Variants in AK5 observed in about 807,000 individuals in gnomAD.
AK5 encodes adenylate kinase 5.
In AK5, 27 loss-of-function variants were observed where a neutral mutation model predicts 69.5. The ratio of observed to expected loss-of-function variants is 0.39; its 90% CI spans 0.29 to 0.54. The LOEUF (loss-of-function observed/expected upper bound fraction) is 0.54, where lower values mean the gene tolerates loss of function less well. Among genes scored for constraint, AK5 ranks in the 20% least tolerant of loss-of-function variants. AK5 has a pLI of 0.71. For synonymous variants in AK5, 260 were observed against 244.4 expected (o/e 1.06, Z -0.60); for missense variants, 531 against 700.4 (o/e 0.76, Z 2.73).
chr1:77,455,862 G>A (rs1653451363), intron 8 of AK5, among the ~76,000 whole-genome samples: 1 of 152,176 alleles, frequency 6.6e-6, no homozygotes, highest in South Asian at 2.1e-4. Context: ...TGTCTGGCAT[G>A]AGACCCACTG....
chr1:77,543,525 C>T (rs1043901270), intron 13 of AK5, among the ~76,000 whole-genome samples: 2 of 78,476 alleles, frequency 2.5e-5, no homozygotes, highest in Non-Finnish European at 6.9e-5. Flanking sequence ...AAACATTGCT[C>T]TATTTTTTTT....
At chr1:77,485,479 C>T (rs1047126654) in intron 9 of AK5, among the ~76,000 whole-genome samples, 1 of 152,126 alleles carries the variant, frequency 6.6e-6, no homozygotes, top group Non-Finnish European at 1.5e-5. Flanking sequence ...AAGTAGTTAT[C>T]TACAGAAAAT....
chr1:77,405,437 A>G (rs1243100845), intron 6 of AK5, among the ~76,000 whole-genome samples: 1 of 152,174 alleles, frequency 6.6e-6, no homozygotes. Context: ...TCTGTCTGCT[A>G]CTGCCCTGAC....
intron 3 of AK5, 87 bp downstream of exon 3, chr1:77,294,047 A>G: frequency 8.3e-7 from 1 of 1,203,116 alleles, no homozygotes; most frequent in East Asian, 2.6e-5. Context: ...ATATATGTGC[A>G]AATAGTTGGA....
rs1044550718 is a variant in AK5 at position 77,559,267 on chromosome 1, A to AGAT, written c.*599_*601dup. On this transcript the variant is annotated 3_prime_UTR_variant, in exon 14 of 14. Coordinates refer to ENST00000354567, the MANE Select transcript of AK5 (RefSeq NM_174858.3). ...ATTTGACAGAAATTTTAAAATATGAAGATGTATAGCTTTCCCAAGATGATG... is the reference window on the plus strand; with the variant it reads ...ATTTGACAGAAATTTTAAAATATGAAGATGATGTATAGCTTTCCCAAGATGATG... 2.0e-5 allele frequency: 3 copies of AGAT among 152,180 alleles called. No homozygotes were observed. The highest frequency in any genetic ancestry group is 4.8e-5 in the African/African-American group (2 of 41,432). 9.4% of individuals were successfully genotyped at this position (152,180 alleles called of 1,614,324 possible).
intron 6 of AK5, among the ~76,000 whole-genome samples, chr1:77,345,337 C>T (rs149917425): frequency 4.0e-3 from 614 of 152,248 alleles, no homozygotes; most frequent in Non-Finnish European, 6.1e-3. Flanking sequence ...CCAGGAAAGG[C>T]AGAGGCTGAA....
intron 1 of AK5, chr1:77,282,869 G>C (rs992376738): frequency 1.0e-6 from 1 of 986,742 alleles, no homozygotes; most frequent in Non-Finnish European, 1.2e-6. Flanking sequence ...TTGGAAGAGA[G>C]GGATGAAGAT....
intron 12 of AK5, among the ~76,000 whole-genome samples, chr1:77,523,593 T>C (rs1040118855): frequency 2.0e-5 from 3 of 152,226 alleles, no homozygotes; most frequent in African/African-American, 7.2e-5. Context: ...TTAAGTACAT[T>C]CATATTGTTA....
At chr1:77,294,628 A>G (rs940365736) in intron 3 of AK5, among the ~76,000 whole-genome samples, 1 of 152,186 alleles carries the variant, frequency 6.6e-6, no homozygotes, top group Non-Finnish European at 1.5e-5. Context: ...TGTTTTACAT[A>G]GCACATAACA....
At chr1:77,392,356 T>C (rs1423022866) in intron 6 of AK5, among the ~76,000 whole-genome samples, 7 of 152,234 alleles carry the variant, frequency 4.6e-5, no homozygotes, top group Non-Finnish European at 8.8e-5. Context: ...TTCAGGGTAA[T>C]TACTGATTTG....
At chr1:77,386,847 C>T (rs372945367) in intron 6 of AK5, among the ~76,000 whole-genome samples, 1 of 152,050 alleles carries the variant, frequency 6.6e-6, no homozygotes, top group African/African-American at 2.4e-5. Context: ...TCCCTGCCTG[C>T]GCTCACCCTT....
intron 8 of AK5, among the ~76,000 whole-genome samples, chr1:77,466,888 A>G (rs966403000): frequency 6.6e-6 from 1 of 152,226 alleles, no homozygotes; most frequent in African/African-American, 2.4e-5. Context: ...CATTCAAACC[A>G]TAGCAACCAT....
intron 8 of AK5, among the ~76,000 whole-genome samples, chr1:77,442,422 G>C (rs1351996039): frequency 6.6e-6 from 1 of 152,184 alleles, no homozygotes; most frequent in Non-Finnish European, 1.5e-5. Flanking sequence ...GAGGGCTGCA[G>C]AGGACCCCAG....
chr1:77,353,102 A>G (rs1662299598), intron 6 of AK5, among the ~76,000 whole-genome samples: 1 of 152,202 alleles, frequency 6.6e-6, no homozygotes, highest in Non-Finnish European at 1.5e-5. Flanking sequence ...AAGAACTAAC[A>G]TACTGTATCC....
intron 6 of AK5, among the ~76,000 whole-genome samples, chr1:77,381,919 G>GA (rs1647662239): frequency 1.3e-5 from 2 of 152,118 alleles, no homozygotes; most frequent in Non-Finnish European, 2.9e-5. Flanking sequence ...AGATTAATGA[G>GA]AAAAAACTTA....
At chr1:77,312,072 C>T (rs1659988137) in intron 5 of AK5, among the ~76,000 whole-genome samples, 1 of 152,056 alleles carries the variant, frequency 6.6e-6, no homozygotes, top group Non-Finnish European at 1.5e-5. Context: ...TCCAGAGTTC[C>T]AAAATAAGTC....
At chr1:77,467,927 A>G (rs1211050459) in intron 8 of AK5, among the ~76,000 whole-genome samples, 1 of 152,188 alleles carries the variant, frequency 6.6e-6, no homozygotes, top group African/African-American at 2.4e-5. Context: ...TAGCAGTATC[A>G]TCATGTAAGC....
chr1:77,412,657 T>A (rs1366070879), intron 7 of AK5, among the ~76,000 whole-genome samples: 3 of 152,134 alleles, frequency 2.0e-5, no homozygotes, highest in Non-Finnish European at 4.4e-5. Flanking sequence ...ACTCACCCAA[T>A]AAATAAGTCA....
chr1:77,456,252 T>C (rs892839828), intron 8 of AK5, among the ~76,000 whole-genome samples: 14 of 152,226 alleles, frequency 9.2e-5, no homozygotes, highest in East Asian at 1.9e-4. Flanking sequence ...CCTCAGCTGA[T>C]TGAGCCCTGT....
Sources: gnomAD v4.1 joint callset for allele counts (sites outside exome capture counted in the v4.1 genomes callset) on GRCh38, gnomAD v4.1.1 for gene constraint, MANE v1.5 for transcripts, NCBI Gene and HGNC (gene_info 2026-07-23, HGNC 2026-07-21) for gene names.